The following FMO1 variants were observed in gnomAD, a reference collection of about 807,000 sequenced individuals.
The protein encoded by FMO1 is flavin-containing monooxygenase 1.
FMO1 carries 36 observed loss-of-function variants against 45.4 expected under a neutral mutation model. The observed-to-expected ratio is 0.79, with a 90% CI of 0.61 to 1.05. FMO1 has a LOEUF of 1.05. Among genes scored for constraint, FMO1 ranks in the 50% least tolerant of loss-of-function variants. The pLI is 0.00. For missense variants in FMO1, 615 were observed against 640.3 expected (o/e 0.96, Z 0.43); for synonymous variants, 228 against 227.2 (o/e 1.00, Z -0.03).
chr1:171,275,279 A>T lies in FMO1; in HGVS notation c.322-67A>T, dbSNP rs946558027. On this transcript the variant is annotated intron_variant, in intron 3 of 8. Transcript: ENST00000617670. ...CTAGAACTTTTAAAATATCAATGGT[A>T]CATCAACTGGCAAGTGCTTAATGGA... 4.9e-6 allele frequency: 6 copies of T among 1,232,218 alleles called. No individual in the cohort carries two copies. The African/African-American group carries it at 9.0e-5, about 18-fold the overall frequency. 76.3% of individuals were successfully genotyped at this position (1,232,218 alleles called of 1,614,324 possible).
intron 1 of FMO1, among the ~76,000 whole-genome samples, chr1:171,256,934 A>G (rs974369333): frequency 1.3e-5 from 2 of 152,214 alleles, no homozygotes; most frequent in African/African-American, 2.4e-5. Flanking sequence ...TTAGTGACAA[A>G]TGTGTGTGCT....
chr1:171,261,577 T>C (rs1020056440), intron 2 of FMO1, among the ~76,000 whole-genome samples: 6 of 151,992 alleles, frequency 3.9e-5, no homozygotes, highest in Non-Finnish European at 5.9e-5. Context: ...CCAGAGAATA[T>C]AGACATCATA....
intron 1 of FMO1, among the ~76,000 whole-genome samples, chr1:171,253,713 A>G (rs1660010025): frequency 6.6e-6 from 1 of 152,062 alleles, no homozygotes; most frequent in Non-Finnish European, 1.5e-5. Context: ...GTGAGCCGAG[A>G]TCATGCAATT....
At position 171,264,989 on chromosome 1, in the gene FMO1, A is replaced by G. The variant is rs28360376; in HGVS notation, c.133-2554A>G. On this transcript the variant is annotated intron_variant, in intron 2 of 8. Coordinates refer to ENST00000617670, the MANE Select transcript of FMO1 (RefSeq NM_001282693.2). ...CACATGTTTGTTAGACTACCCAGGC[A>G]ATTCCTAACAAAATTAAAAGGCGCT... is the stretch of plus-strand genomic sequence containing the variant. 8.5e-5 allele frequency among the ~76,000 whole-genome samples: 13 copies of G among 152,356 alleles called. No individual in the cohort carries two copies. The East Asian group carries it at 2.5e-3, about 29-fold the overall frequency.
chr1:171,275,448 G>C lies in FMO1; in HGVS notation c.424G>C (p.Ala142Pro), dbSNP rs370018707. The C allele has an allele frequency of 4.0e-5, 64 of 1,613,652 alleles. No individual in the cohort carries two copies. Among genetic ancestry groups the C allele is most frequent in the Non-Finnish European group, 5.0e-5 (59 of 1,179,712 alleles). ...EEKQESAIFD[A>P]VMVCTGFLTN... is the part of the protein sequence containing the mutation. Reference sequence around the variant, plus strand: ...GAAGCAAGAGTCAGCCATCTTTGATGCTGTCATGGTCTGCACTGGCTTTCT... The same window carrying C: ...GAAGCAAGAGTCAGCCATCTTTGATCCTGTCATGGTCTGCACTGGCTTTCT... The change falls in exon 4 of 9, where the codon GCT (alanine) becomes CCT (proline). Residue 142 changes from alanine (A) to proline (P), a missense_variant. Transcript: ENST00000617670.
At chr1:171,266,838 A>G (rs955257623) in intron 2 of FMO1, among the ~76,000 whole-genome samples, 21 of 152,358 alleles carry the variant, frequency 1.4e-4, no homozygotes, top group African/African-American at 5.0e-4. Flanking sequence ...GGCAATGTAT[A>G]TTAAAGACAT....
intron 1 of FMO1, among the ~76,000 whole-genome samples, chr1:171,253,218 C>T (rs1218289212): frequency 6.6e-6 from 1 of 152,204 alleles, no homozygotes; most frequent in East Asian, 1.9e-4. Context: ...ATTTCCTTCA[C>T]TTTCTAAAAC....
chr1:171,282,828 G>T, intron 7 of FMO1: 1 of 294,430 alleles, frequency 3.4e-6, no homozygotes, highest in Non-Finnish European at 6.2e-6. Context: ...ATTTCTGTCA[G>T]TTGACTGAAT....
chr1:171,278,275 C>T (rs1661191860), intron 4 of FMO1, among the ~76,000 whole-genome samples: 1 of 152,160 alleles, frequency 6.6e-6, no homozygotes, highest in African/African-American at 2.4e-5. Context: ...CCATCTAGCA[C>T]AGTACCAGGC....
In FMO1 at chr1:171,285,597, T is replaced by A; in HGVS notation, c.*53T>A. 1 of 1,095,450 alleles carries A rather than the reference T, an allele frequency of 9.1e-7. No homozygotes were observed. The highest frequency in any genetic ancestry group is 1.6e-5 in the African/African-American group (1 of 63,164). The allele number at this position is 1,095,450 out of a possible 1,614,324, so 67.9% of individuals were successfully genotyped here. On this transcript the variant is annotated 3_prime_UTR_variant, in exon 9 of 9. Transcript: ENST00000617670. The stretch of plus-strand genomic sequence containing the variant: ...ACAGAGTAGATTTACAATGCTCCAA[T>A]TCCTCTCTTACAGCAATATTGCCTT...
At chr1:171,253,406 G>T (rs1480248035) in intron 1 of FMO1, among the ~76,000 whole-genome samples, 1 of 152,210 alleles carries the variant, frequency 6.6e-6, no homozygotes, top group East Asian at 1.9e-4. Flanking sequence ...GTGGCTCATG[G>T]CTATGGTCCC....
At chr1:171,264,331 T>TACAC (rs1159721305) in intron 2 of FMO1, among the ~76,000 whole-genome samples, 19 of 148,640 alleles carry the variant, frequency 1.3e-4, no homozygotes, top group African/African-American at 4.7e-4. Context: ...TGTGTATATA[T>TACAC]ATATACACAC....
At chr1:171,252,087 T>C (rs1404176469) in intron 1 of FMO1, among the ~76,000 whole-genome samples, 2 of 152,084 alleles carry the variant, frequency 1.3e-5, no homozygotes, top group East Asian at 1.9e-4. Flanking sequence ...TAACAAGAAA[T>C]TATTTTTAGT....
intron 2 of FMO1, among the ~76,000 whole-genome samples, chr1:171,265,157 A>G (rs899920164): frequency 4.0e-5 from 6 of 151,896 alleles, no homozygotes; most frequent in Non-Finnish European, 8.8e-5. Flanking sequence ...TTGGGAGGCC[A>G]AGGCAGGCGG....
chr1:171,281,683 C>T (rs921552838), intron 6 of FMO1, among the ~76,000 whole-genome samples: 13 of 152,184 alleles, frequency 8.5e-5, no homozygotes, highest in African/African-American at 3.1e-4. Flanking sequence ...CTCTCAGCCC[C>T]ACTCTAGAAT....
chr1:171,265,378 G>A lies in FMO1; in HGVS notation c.133-2165G>A, dbSNP rs569259689. Among the ~76,000 whole-genome samples, 93 of 149,750 alleles carry A rather than the reference G, an allele frequency of 6.2e-4. 1 individual carries two copies. The highest frequency in any genetic ancestry group is 1.9e-3 in the African/African-American group (78 of 40,376). ...TGCACGCTAGCCTGGGCGACAGAGC[G>A]AGGCTCCGTCTCAAAAAAAGAAAAA... On this transcript the variant is annotated intron_variant, in intron 2 of 8. Coordinates refer to ENST00000617670, the MANE Select transcript of FMO1 (RefSeq NM_001282693.2).
At chr1:171,258,711 T>C (rs1278731706) in intron 2 of FMO1, among the ~76,000 whole-genome samples, 1 of 152,220 alleles carries the variant, frequency 6.6e-6, no homozygotes, top group Non-Finnish European at 1.5e-5. Flanking sequence ...CCTGCTGACC[T>C]GGCAATCCCA....
intron 2 of FMO1, among the ~76,000 whole-genome samples, chr1:171,262,000 G>T (rs2101805886): frequency 6.6e-6 from 1 of 152,348 alleles, no homozygotes; most frequent in African/African-American, 2.4e-5. Context: ...TCTTGAGAGG[G>T]AGGGGAGGCT....
intron 4 of FMO1, among the ~76,000 whole-genome samples, chr1:171,277,594 C>G: frequency 6.6e-6 from 1 of 152,088 alleles, no homozygotes; most frequent in Non-Finnish European, 1.5e-5. Context: ...TGTGACCCCC[C>G]AAAACAAAGC....
Sources: gnomAD v4.1 joint callset for allele counts (sites outside exome capture counted in the v4.1 genomes callset) on GRCh38, gnomAD v4.1.1 for gene constraint, MANE v1.5 for transcripts, NCBI Gene and HGNC (gene_info 2026-07-23, HGNC 2026-07-21) for gene names.